PTPRG: variants seen among roughly 807,000 people sequenced by gnomAD.
PTPRG encodes protein tyrosine phosphatase receptor type G, also known as receptor-type tyrosine-protein phosphatase gamma.
Under a neutral mutation model 165.3 loss-of-function variants are expected in PTPRG, and 102 were observed. The observed-to-expected ratio is 0.62, with a 90% CI of 0.53 to 0.73. The LOEUF (loss-of-function observed/expected upper bound fraction) is 0.73. Ranked by LOEUF, PTPRG falls within the 30% of genes least tolerant of loss-of-function variation. The pLI, the probability that PTPRG is intolerant of heterozygous loss-of-function variation, is 0.00. For missense variants in PTPRG, 1,866 were observed against 1,861.4 expected, an observed-to-expected ratio of 1.00 and a Z score of -0.05; for synonymous variants, 675 against 669.5, an observed-to-expected ratio of 1.01 and a Z score of -0.13.
chr3:61,718,163 G>A (rs1248286748), intron 1 of PTPRG, among the ~76,000 whole-genome samples: 1 of 144,944 alleles, frequency 6.9e-6, no homozygotes, highest in Non-Finnish European at 1.5e-5. Context: ...ATGGGTGACT[G>A]AGCAAGACCC....
chr3:61,592,527 G>A lies in PTPRG; in HGVS notation c.85+30155G>A, dbSNP rs529624586. 5.3e-5 allele frequency among the ~76,000 whole-genome samples: 8 copies of A among 152,054 alleles called. No individual in the cohort carries two copies. In the East Asian group the frequency reaches 1.5e-3, roughly 29 times the overall value. On this transcript the variant is annotated intron_variant, in intron 1 of 29. Coordinates refer to ENST00000474889, the MANE Select transcript of PTPRG (RefSeq NM_002841.4). ...CCAGGGTGAATGGATGTTGCAGCATGCAATTTTTGTTTTTATATAAAGTTT... is the reference window on the plus strand; with the variant it reads ...CCAGGGTGAATGGATGTTGCAGCATACAATTTTTGTTTTTATATAAAGTTT...
At chr3:62,146,534 CTG>C (rs1347470625) in intron 6 of PTPRG, among the ~76,000 whole-genome samples, 1 of 151,956 alleles carries the variant, frequency 6.6e-6, no homozygotes, top group Non-Finnish European at 1.5e-5. Flanking sequence ...CCTCTGCCTG[CTG>C]ATGGAGAGTG....
At chr3:62,111,178 C>T (rs564690521) in intron 5 of PTPRG, among the ~76,000 whole-genome samples, 1 of 152,318 alleles carries the variant, frequency 6.6e-6, no homozygotes, top group East Asian at 1.9e-4. Flanking sequence ...ACTGTGTCCC[C>T]TTCTCTGTGC....
At chr3:62,021,400 A>G (rs1296857002) in intron 4 of PTPRG, among the ~76,000 whole-genome samples, 1 of 152,236 alleles carries the variant, frequency 6.6e-6, no homozygotes, top group African/African-American at 2.4e-5. Context: ...ACTGGTTGAC[A>G]TTTGAGAATA....
intron 4 of PTPRG, among the ~76,000 whole-genome samples, chr3:62,011,401 T>A (rs557044440): frequency 9.2e-5 from 14 of 152,212 alleles, no homozygotes; most frequent in African/African-American, 3.4e-4. Flanking sequence ...TTTCACAGAG[T>A]CCTTTGTCAT....
intron 1 of PTPRG, among the ~76,000 whole-genome samples, chr3:61,690,561 G>C (rs574450285): frequency 6.6e-6 from 1 of 152,334 alleles, no homozygotes; most frequent in Admixed American, 6.5e-5. Context: ...TTAAGCTTAA[G>C]TCACTAAAAC....
intron 2 of PTPRG, among the ~76,000 whole-genome samples, chr3:61,835,044 A>G (rs998129796): frequency 6.6e-6 from 1 of 152,200 alleles, no homozygotes; most frequent in Non-Finnish European, 1.5e-5. Context: ...TCAGCTAGAT[A>G]TAGAAATAAA....
At chr3:61,772,107 C>G (rs1046482028) in intron 2 of PTPRG, among the ~76,000 whole-genome samples, 4 of 143,942 alleles carry the variant, frequency 2.8e-5, no homozygotes, top group African/African-American at 1.0e-4. Context: ...TTGTGATGAT[C>G]TCTGAATCAT....
intron 4 of PTPRG, among the ~76,000 whole-genome samples, chr3:62,064,053 C>T (rs1447875095): frequency 6.6e-6 from 1 of 152,150 alleles, no homozygotes; most frequent in Non-Finnish European, 1.5e-5. Context: ...TAGATTCACC[C>T]TCTTCTTCTT....
chr3:62,148,626 G>C (rs151320722), intron 6 of PTPRG, among the ~76,000 whole-genome samples: 3 of 152,040 alleles, frequency 2.0e-5, no homozygotes, highest in Non-Finnish European at 4.4e-5. Context: ...TTAGTTGGGC[G>C]TGGTGGCGTG....
At chr3:62,127,079 G>C (rs1331697956) in intron 5 of PTPRG, among the ~76,000 whole-genome samples, 1 of 152,218 alleles carries the variant, frequency 6.6e-6, no homozygotes, top group Non-Finnish European at 1.5e-5. Context: ...TAGCTCAGTG[G>C]TTAGTGGTTT....
intron 2 of PTPRG, among the ~76,000 whole-genome samples, chr3:61,817,057 A>T (rs1255827321): frequency 7.8e-6 from 1 of 127,810 alleles, no homozygotes; most frequent in Non-Finnish European, 1.7e-5. Flanking sequence ...TATTATATAT[A>T]ATATATAATA....
chr3:61,932,738 G>A (rs1157344505), intron 2 of PTPRG, among the ~76,000 whole-genome samples: 1 of 151,934 alleles, frequency 6.6e-6, no homozygotes, highest in Non-Finnish European at 1.5e-5. Context: ...CTCAAAACTT[G>A]TAACCACCAC....
chr3:61,838,154 C>T (rs932904529), intron 2 of PTPRG, among the ~76,000 whole-genome samples: 11 of 152,148 alleles, frequency 7.2e-5, no homozygotes, highest in African/African-American at 2.2e-4. Context: ...GGGAACTGGG[C>T]CTAAAAGCTG....
Position 61,603,239 on chromosome 3 carries a change from ATGTTGAAT to A in PTPRG, c.85+40871_85+40878del, listed in dbSNP as rs561592737. On this transcript the variant is annotated intron_variant, in intron 1 of 29. Transcript: ENST00000474889. ...GGATGTTTGTCCCTACCCAACACTC[ATGTTGAAT>A]TGTAATTCAGCATGCTGGAGGTGGG... Among the ~76,000 whole-genome samples the A allele has an allele frequency of 2.5e-3, 375 of 152,304 alleles. 1 individual carries two copies. Among genetic ancestry groups the A allele is most frequent in the African/African-American group, 8.7e-3 (362 of 41,572 alleles).
At chr3:61,726,367 C>T (rs10510867) in intron 1 of PTPRG, among the ~76,000 whole-genome samples, 50,464 of 151,872 alleles carry the variant, frequency 0.33, 9,287 homozygotes, top group East Asian at 0.71. Flanking sequence ...GTTGAAAATA[C>T]ATAGGATTTG....
chr3:62,192,799 G>T (rs1339549302), intron 9 of PTPRG, among the ~76,000 whole-genome samples: 1 of 152,096 alleles, frequency 6.6e-6, no homozygotes, highest in Non-Finnish European at 1.5e-5. Context: ...TCAAAGGAAG[G>T]CTCTGGAATA....
chr3:61,963,868 A>G (rs2107646956), intron 2 of PTPRG, among the ~76,000 whole-genome samples: 1 of 152,180 alleles, frequency 6.6e-6, no homozygotes, highest in Middle Eastern at 3.4e-3. Flanking sequence ...TGTGCAATAT[A>G]TATTTTAAAA....
chr3:62,204,159 A>C lies in PTPRG; in HGVS notation c.2155+209A>C, dbSNP rs557715381. 2.6e-5 allele frequency among the ~76,000 whole-genome samples: 4 copies of C among 152,340 alleles called. No individual in the cohort carries two copies. In the East Asian group the frequency reaches 7.7e-4, roughly 29 times the overall value. ...AAAGCCTACTCTCTTACGCTGGAGT[A>C]AGTCTTTCTTTGATATTTGTTTTCT... On this transcript the variant is annotated intron_variant, in intron 12 of 29. Transcript: ENST00000474889.
Sources: gnomAD v4.1 joint callset for allele counts (sites outside exome capture counted in the v4.1 genomes callset) on GRCh38, gnomAD v4.1.1 for gene constraint, MANE v1.5 for transcripts, NCBI Gene and HGNC (gene_info 2026-07-23, HGNC 2026-07-21) for gene names.